The following COQ8B variants were observed in gnomAD, a reference collection of about 807,000 sequenced individuals.
COQ8B encodes coenzyme Q8B, also known as atypical kinase COQ8B, mitochondrial.
Under a neutral mutation model 62.0 loss-of-function variants are expected in COQ8B, and 44 were observed. The ratio of observed to expected loss-of-function variants is 0.71; its 90% confidence interval spans 0.56 to 0.91. COQ8B has a LOEUF of 0.91. Among genes scored for constraint, COQ8B ranks in the 40% least tolerant of loss-of-function variants. The pLI is 0.00. For missense variants in COQ8B, 649 were observed against 731.6 expected, an observed-to-expected ratio of 0.89 and a Z score of 1.30; for synonymous variants, 252 against 289.9, an observed-to-expected ratio of 0.87 and a Z score of 1.33.
At chr19:40,715,108 G>A in intron 1 of COQ8B, 3 of 987,310 alleles carry the variant, frequency 3.0e-6, no homozygotes, top group Non-Finnish European at 3.6e-6. Flanking sequence ...GTGCTTCCGG[G>A]AGCCTCTGTA....
intron 13 of COQ8B, among the ~76,000 whole-genome samples, chr19:40,694,997 G>C (rs2082002874): frequency 6.6e-6 from 1 of 152,212 alleles, no homozygotes; most frequent in Non-Finnish European, 1.5e-5. Flanking sequence ...GCCTAGAATA[G>C]AGCTGGGCAC....
Position 40,710,077 on chromosome 19 carries a change from C to T in COQ8B, c.349G>A (p.Gly117Arg). Residue 117 changes from glycine (G) to arginine (R), a missense_variant, in exon 5 of 15, where the codon GGA (glycine) becomes AGA (arginine). Physicochemically the swap from Gly to Arg is moderately radical, Grantham distance 125. Coordinates refer to ENST00000324464, the MANE Select transcript of COQ8B (RefSeq NM_024876.4). Reference protein sequence around the residue: ...LAEMAKKSMPGGRLQSEGGSG... With the variant: ...LAEMAKKSMPRGRLQSEGGSG... ...CACTCACCTGACTGCAGACGACCTC[C>T]TGGCATGGACTTCTTAGCCATCTCG... is the stretch of plus-strand genomic sequence containing the variant. 1.2e-6 allele frequency: 2 copies of T among 1,613,958 alleles called. No individual in the cohort carries two copies. The highest frequency in any genetic ancestry group is 8.5e-7 in the Non-Finnish European group (1 of 1,179,872).
rs371946037 is a variant in COQ8B at position 40,715,153 on chromosome 19, G to A, written c.-3-518C>T. Reference sequence around the variant, plus strand: ...CCTTCGGCCAGCCAACCAATGGCGCGGCAGCAACTCGCTGACTGGCACGGA... The same window carrying A: ...CCTTCGGCCAGCCAACCAATGGCGCAGCAGCAACTCGCTGACTGGCACGGA... On this transcript the variant is annotated intron_variant, in intron 1 of 14. Coordinates refer to ENST00000324464, the MANE Select transcript of COQ8B (RefSeq NM_024876.4). 61 of 986,236 alleles carry A rather than the reference G, an allele frequency of 6.2e-5. No homozygotes were observed. In the East Asian group the frequency reaches 5.3e-3, roughly 86 times the overall value. The allele number at this position is 986,236 out of a possible 1,614,324, so 61.1% of individuals were successfully genotyped here.
chr19:40,700,654 T>A, intron 10 of COQ8B: 1 of 624,760 alleles, frequency 1.6e-6, no homozygotes, highest in Non-Finnish European at 2.7e-6. Context: ...CCAAGGTGCC[T>A]ACTCTGCACC....
At chr19:40,697,573 G>A (rs1028656239) in intron 12 of COQ8B, among the ~76,000 whole-genome samples, 9 of 151,802 alleles carry the variant, frequency 5.9e-5, no homozygotes, top group Admixed American at 3.3e-4. Flanking sequence ...GAGGGGGGCG[G>A]ATCACCTGAG....
chr19:40,692,239 C>A lies in COQ8B; in HGVS notation c.1431G>T (p.Arg477=), dbSNP rs1171380892. The change falls in exon 15 of 15, where the codon CGG becomes CGT. Residue 477 remains arginine (R), a synonymous_variant. Coordinates refer to ENST00000324464, the MANE Select transcript of COQ8B (RefSeq NM_024876.4). ...AGGTCTCCTCGGGTGGGGGACACAG[C>A]CGGTGCCGCAGCAGCACCGGGATGA... ...QDLIPVLLRH[R]LCPPPEETYA... is the part of the protein sequence containing the mutation. 1.2e-6 allele frequency: 2 copies of A among 1,610,668 alleles called. No individual in the cohort carries two copies. The highest frequency in any genetic ancestry group is 1.7e-6 in the Non-Finnish European group (2 of 1,178,404).
intron 5 of COQ8B, among the ~76,000 whole-genome samples, chr19:40,709,174 C>T (rs2082122196): frequency 6.6e-6 from 1 of 152,192 alleles, no homozygotes; most frequent in African/African-American, 2.4e-5. Context: ...ACCATAATCA[C>T]ATGTAAGAAA....
intron 13 of COQ8B, among the ~76,000 whole-genome samples, chr19:40,694,869 C>T (rs867866762): frequency 2.0e-5 from 3 of 152,180 alleles, no homozygotes; most frequent in Non-Finnish European, 4.4e-5. Flanking sequence ...TCACAGTGCC[C>T]TGCGCTTCCC....
chr19:40,705,932 G>GAA lies in COQ8B; in HGVS notation c.368-487_368-486dup, dbSNP rs982789621. On this transcript the variant is annotated intron_variant, in intron 5 of 14. Coordinates refer to ENST00000324464, the MANE Select transcript of COQ8B (RefSeq NM_024876.4). ...GCAACCAAGCAATACCCTGTCTCGG[G>GAA]AAAAAAAAAAAAAAAAGAAAAGAAA... 7.0e-4 allele frequency among the ~76,000 whole-genome samples: 60 copies of GAA among 85,176 alleles called. 1 individual carries two copies. The highest frequency in any genetic ancestry group is 1.2e-3 in the Non-Finnish European group (48 of 41,102). 55.9% of individuals were successfully genotyped at this position (85,176 alleles called of 152,430 possible). A position where few individuals can be genotyped will look rare whatever the true frequency, so the allele number is the denominator to read the frequency against.
chr19:40,699,300 C>A (rs1599626762), intron 12 of COQ8B, among the ~76,000 whole-genome samples: 1 of 152,094 alleles, frequency 6.6e-6, no homozygotes, highest in Non-Finnish European at 1.5e-5. Context: ...CTCCCTTAAT[C>A]CCTGCTCACC....
chr19:40,715,678 A>C, intron 1 of COQ8B: 2 of 921,442 alleles, frequency 2.2e-6, no homozygotes, highest in Non-Finnish European at 2.6e-6. Context: ...GTTCCCTCAC[A>C]CACCCTGTTC....
chr19:40,699,940 A>C (rs2082048225), intron 12 of COQ8B, 127 bp downstream of exon 12: 1 of 851,556 alleles, frequency 1.2e-6, no homozygotes, highest in East Asian at 2.7e-5. Flanking sequence ...CCTGAATCCC[A>C]CTTGGAAAAG....
chr19:40,710,452 G>A (rs891914987), intron 4 of COQ8B, among the ~76,000 whole-genome samples: 1 of 152,084 alleles, frequency 6.6e-6, no homozygotes, highest in African/African-American at 2.4e-5. Context: ...GTTTCACCGT[G>A]TTGGCCAGGC....
intron 1 of COQ8B, chr19:40,715,235 T>A (rs2082177008): frequency 1.0e-6 from 1 of 985,492 alleles, no homozygotes; most frequent in Non-Finnish European, 1.2e-6. Flanking sequence ...CGATGGAGCC[T>A]GGAATTAAGG....
chr19:40,713,643 G>A (rs1054812967), intron 4 of COQ8B, among the ~76,000 whole-genome samples: 17 of 149,052 alleles, frequency 1.1e-4, no homozygotes, highest in African/African-American at 2.8e-4. Flanking sequence ...TTGAATGTAG[G>A]AGGCAGAGGT....
chr19:40,693,077 G>T, intron 13 of COQ8B, 40 bp from the exon 14 acceptor site: 1 of 1,555,344 alleles, frequency 6.4e-7, no homozygotes, highest in African/African-American at 1.4e-5. Flanking sequence ...AAAGGCCGGG[G>T]CTCAAGGGGG....
At position 40,700,095 on chromosome 19, in the gene COQ8B, T is replaced by C; in HGVS notation, c.1115A>G (p.Asn372Ser). The change falls in exon 12 of 15, where the codon AAC becomes AGC. Residue 372 changes from asparagine to serine, a missense_variant. Physicochemically the swap from Asn to Ser is conservative, Grantham distance 46. Transcript: ENST00000324464. The stretch of plus-strand genomic sequence containing the variant: ...GTGGCTGGAGGCATCATACAGGAAG[T>C]TGGCCCAGTTGGGGTCAGTCTGCAT... ...RFMQTDPNWA[N>S]FLYDASSHQV... 6.2e-7 allele frequency: 1 copy of C among 1,614,248 alleles called. No homozygotes were observed. The highest frequency in any genetic ancestry group is 8.5e-7 in the Non-Finnish European group (1 of 1,180,036).
At chr19:40,697,678 C>T (rs1186276977) in intron 12 of COQ8B, among the ~76,000 whole-genome samples, 1 of 151,148 alleles carries the variant, frequency 6.6e-6, no homozygotes. Context: ...CGCCTGTAGT[C>T]CCAGCTAGTT....
rs754975339 is a variant in COQ8B at position 40,714,085 on chromosome 19, G to T, written c.271C>A (p.Arg91Ser). 6.2e-7 allele frequency: 1 copy of T among 1,613,966 alleles called. No individual in the cohort carries two copies. The highest frequency in any genetic ancestry group is 8.5e-7 in the Non-Finnish European group (1 of 1,180,026). Residue 91 changes from arginine to serine, a missense_variant, in exon 4 of 15, where the codon CGC becomes AGC. Coordinates refer to ENST00000324464, the MANE Select transcript of COQ8B (RefSeq NM_024876.4). ...ERKVPASRIS[R>S]LANFGGLAVG... is the part of the protein sequence containing the mutation. ...CACCTACCCCCAAAGTTGGCCAAGC[G>T]GCTGATGCGGGAGGCAGGCACCTTG... is the stretch of plus-strand genomic sequence containing the variant.
Sources: gnomAD v4.1 joint callset for allele counts (sites outside exome capture counted in the v4.1 genomes callset) on GRCh38, gnomAD v4.1.1 for gene constraint, MANE v1.5 for transcripts, NCBI Gene and HGNC (gene_info 2026-07-23, HGNC 2026-07-21) for gene names.